ZSWIM4: variants seen among roughly 807,000 people sequenced by gnomAD.
The protein encoded by ZSWIM4 is zinc finger SWIM-type containing 4.
Under a neutral mutation model 102.5 loss-of-function variants are expected in ZSWIM4, and 62 were observed. The ratio of observed to expected loss-of-function variants is 0.60; its 90% CI spans 0.49 to 0.75. The LOEUF is 0.75. Among genes scored for constraint, ZSWIM4 ranks in the 30% least tolerant of loss-of-function variants. ZSWIM4 has a pLI of 0.00. For synonymous variants in ZSWIM4, 652 were observed against 674.5 expected (o/e 0.97, Z 0.52); for missense variants, 1,280 against 1,529.6 (o/e 0.84, Z 2.72).
intron 7 of ZSWIM4, 64 bp from the exon 8 acceptor site, chr19:13,817,152 T>C: frequency 1.3e-6 from 2 of 1,538,538 alleles, no homozygotes; most frequent in Non-Finnish European, 1.8e-6. Context: ...AGAAGAGGAA[T>C]ATCCCTCCCT....
chr19:13,818,047 G>A, intron 9 of ZSWIM4, 71 bp downstream of exon 9: 1 of 1,423,956 alleles, frequency 7.0e-7, no homozygotes, highest in Non-Finnish European at 9.2e-7. Context: ...TAGCGGCCCG[G>A]TTGCTGCCAG....
chr19:13,811,051 T>C (rs143033149), intron 5 of ZSWIM4, among the ~76,000 whole-genome samples: 2,732 of 150,692 alleles, frequency 0.018, 80 homozygotes, highest in African/African-American at 0.064. Flanking sequence ...GTAGCTGGGA[T>C]CACAGGCGCC....
intron 6 of ZSWIM4, among the ~76,000 whole-genome samples, chr19:13,813,454 G>A (rs924475471): frequency 2.6e-5 from 4 of 152,038 alleles, no homozygotes; most frequent in Non-Finnish European, 4.4e-5. Flanking sequence ...TGGGACCAAA[G>A]AGAGGATGAG....
At chr19:13,816,282 G>T (rs1287758061) in intron 7 of ZSWIM4, among the ~76,000 whole-genome samples, 2 of 152,106 alleles carry the variant, frequency 1.3e-5, no homozygotes, top group African/African-American at 2.4e-5. Flanking sequence ...TCAGTGAAAG[G>T]CCCCTAGATT....
chr19:13,803,902 C>G (rs141161015), intron 2 of ZSWIM4, among the ~76,000 whole-genome samples: 1,499 of 149,878 alleles, frequency 0.01, 23 homozygotes, highest in African/African-American at 0.035. Flanking sequence ...CATTCTGTTA[C>G]CCAGGCTGGA....
At chr19:13,818,748 G>A (rs1975374475) in intron 9 of ZSWIM4, among the ~76,000 whole-genome samples, 1 of 151,710 alleles carries the variant, frequency 6.6e-6, no homozygotes, top group Non-Finnish European at 1.5e-5. Flanking sequence ...ATTTTTAGTA[G>A]AGATGGGGTT....
intron 1 of ZSWIM4, 84 bp from the exon 2 acceptor site, chr19:13,799,636 C>G (rs1175886866): frequency 7.2e-7 from 1 of 1,395,500 alleles, no homozygotes; most frequent in African/African-American, 1.4e-5. Flanking sequence ...AACTCTTGGC[C>G]TCAAGCGATC....
At position 13,809,261 on chromosome 19, in the gene ZSWIM4, C is replaced by A; in HGVS notation, c.1012+41C>A. ...CGGTGCGTGGTGGACACCGGGACTTCGGCTCCCATGGGGGCTGGCCCACTC... is the reference window on the plus strand; with the variant it reads ...CGGTGCGTGGTGGACACCGGGACTTAGGCTCCCATGGGGGCTGGCCCACTC... On this transcript the variant is annotated intron_variant, in intron 5 of 13. Transcript: ENST00000590508. This position sits in a 1 kb window ranked among gnomAD's most constrained non-coding sequence, Gnocchi z 4.2. The A allele has an allele frequency of 1.3e-6, 2 of 1,558,424 alleles. No individual in the cohort carries two copies. The highest frequency in any genetic ancestry group is 1.2e-5 in the South Asian group (1 of 86,072).
intron 3 of ZSWIM4, among the ~76,000 whole-genome samples, chr19:13,808,132 G>C (rs989693139): frequency 2.0e-5 from 3 of 151,990 alleles, no homozygotes; most frequent in African/African-American, 7.2e-5. Flanking sequence ...AGGGAATGGT[G>C]CTACACCATT....
At chr19:13,804,744 G>T in intron 2 of ZSWIM4, 48 bp from the exon 3 acceptor site, 8 of 1,485,228 alleles carry the variant, frequency 5.4e-6, no homozygotes, top group Non-Finnish European at 6.4e-6. Context: ...CACAAACACC[G>T]CCTGTCTCTG....
At chr19:13,805,663 G>A (rs1347479000) in intron 3 of ZSWIM4, among the ~76,000 whole-genome samples, 2 of 151,728 alleles carry the variant, frequency 1.3e-5, no homozygotes, top group Admixed American at 1.3e-4. Context: ...GGGAGGTGCT[G>A]GGTGGGTACA....
chr19:13,812,970 T>A, intron 5 of ZSWIM4, 27 bp from the exon 6 acceptor site: 1 of 1,575,158 alleles, frequency 6.3e-7, no homozygotes, highest in South Asian at 1.1e-5. Context: ...TTGGCAGGAA[T>A]ATTGAGCCTG....
intron 2 of ZSWIM4, among the ~76,000 whole-genome samples, chr19:13,801,214 A>G (rs569850283): frequency 6.6e-6 from 1 of 151,812 alleles, no homozygotes; most frequent in Admixed American, 6.6e-5. Context: ...AGGTTGAGAC[A>G]TGGTGGTGAA....
intron 6 of ZSWIM4, among the ~76,000 whole-genome samples, chr19:13,813,995 T>C (rs1440527269): frequency 1.3e-5 from 2 of 151,010 alleles, no homozygotes; most frequent in South Asian, 2.1e-4. Flanking sequence ...AGCCAGTTAG[T>C]TGCTCAACCT....
chr19:13,808,807 CTCAGCT>C (rs1223491218), intron 3 of ZSWIM4, 23 bp from the exon 4 acceptor site: 1 of 1,567,552 alleles, frequency 6.4e-7, no homozygotes, highest in Non-Finnish European at 8.7e-7. Context: ...CAGCCCCAGC[CTCAGCT>C]TCCTTTCCCT....
At position 13,830,555 on chromosome 19, in the gene ZSWIM4, G is replaced by A; in HGVS notation, c.2826G>A (p.Ala942=). 1.9e-6 allele frequency: 3 copies of A among 1,599,570 alleles called. No homozygotes were observed. The highest frequency in any genetic ancestry group is 2.5e-6 in the Non-Finnish European group (3 of 1,179,568). ...RGLPLRAYKL[A]TLALAQLSIA... Reference sequence around the variant, plus strand: ...TGCCGCTCCGGGCCTACAAGCTGGCGACGCTGGCCCTGGCGCAGCTCAGCA... The same window carrying A: ...TGCCGCTCCGGGCCTACAAGCTGGCAACGCTGGCCCTGGCGCAGCTCAGCA... Residue 942 remains alanine (A), a synonymous_variant, in exon 14 of 14, where the codon GCG becomes GCA. Transcript: ENST00000590508.
chr19:13,818,708 C>T (rs1975372897), intron 9 of ZSWIM4, among the ~76,000 whole-genome samples: 2 of 151,876 alleles, frequency 1.3e-5, no homozygotes, highest in African/African-American at 4.8e-5. Context: ...GGATTACAGG[C>T]GTGCGCCACC....
chr19:13,822,441 C>T (rs1440119718), intron 10 of ZSWIM4, among the ~76,000 whole-genome samples: 1 of 152,164 alleles, frequency 6.6e-6, no homozygotes, highest in Non-Finnish European at 1.5e-5. Context: ...ATATGAAATT[C>T]AAATTTCAGT....
At chr19:13,827,939 G>C (rs1387309023) in intron 12 of ZSWIM4, among the ~76,000 whole-genome samples, 1 of 152,184 alleles carries the variant, frequency 6.6e-6, no homozygotes, top group Non-Finnish European at 1.5e-5. Flanking sequence ...CGAAGGGACA[G>C]GTTGGTTTGT....
Sources: gnomAD v4.1 joint callset for allele counts (sites outside exome capture counted in the v4.1 genomes callset) on GRCh38, gnomAD v4.1.1 for gene constraint, Gnocchi (gnomAD v3.1) non-coding constraint, MANE v1.5 for transcripts, NCBI Gene and HGNC (gene_info 2026-07-23, HGNC 2026-07-21) for gene names.